EXOC1: variants seen among roughly 807,000 people sequenced by gnomAD.
EXOC1 encodes SEC3-like 1.
In EXOC1, 67 loss-of-function variants were observed where a neutral mutation model predicts 107.7. The observed-to-expected ratio is 0.62, with a 90% CI of 0.51 to 0.76. The LOEUF (loss-of-function observed/expected upper bound fraction) is 0.76, where lower values mean the gene tolerates loss of function less well. Ranked by LOEUF, EXOC1 falls within the 30% of genes least tolerant of loss-of-function variation. The pLI is 0.00. For synonymous variants in EXOC1, 348 were observed against 353.5 expected, an observed-to-expected ratio of 0.98 and a Z score of 0.17; for missense variants, 833 against 1,055.7, an observed-to-expected ratio of 0.79 and a Z score of 2.92.
At chr4:55,888,816 T>G (rs1348731712) in intron 10 of EXOC1, 72 bp from the exon 11 acceptor site, 2 of 1,483,710 alleles carry the variant, frequency 1.3e-6, no homozygotes, top group South Asian at 2.3e-5. Flanking sequence ...CTTCCTCTTG[T>G]GCATGGTTTG....
At chr4:55,897,740 T>C (rs528192911) in intron 16 of EXOC1, among the ~76,000 whole-genome samples, 4 of 152,188 alleles carry the variant, frequency 2.6e-5, no homozygotes, top group African/African-American at 9.6e-5. Context: ...CTCAGCCTCC[T>C]AAGTAGCTGG....
intron 8 of EXOC1, chr4:55,877,341 G>C: frequency 1.0e-6 from 1 of 985,356 alleles, no homozygotes; most frequent in South Asian, 4.7e-5. Context: ...AAATAAATCT[G>C]TCTTGGTTTG....
rs1480191014 is a variant in EXOC1 at position 55,868,507 on chromosome 4, T to C, written c.587T>C (p.Leu196Pro). 6.2e-7 allele frequency: 1 copy of C among 1,613,664 alleles called. No homozygotes were observed. The highest frequency in any genetic ancestry group is 1.7e-5 in the Admixed American group (1 of 59,998). Reference protein sequence around the residue: ...EAFAEKLSRELQVLDGANIQS... With the variant: ...EAFAEKLSREPQVLDGANIQS... ...TTTGCAGAAAAATTGTCCAGAGAGCTGCAGGTGCTAGATGGGGTAAGACTT... is the reference window on the plus strand; with the variant it reads ...TTTGCAGAAAAATTGTCCAGAGAGCCGCAGGTGCTAGATGGGGTAAGACTT... The change falls in exon 5 of 19, where the codon CTG (leucine) becomes CCG (proline). Residue 196 changes from leucine to proline, a missense_variant. By Grantham distance (98) the Leu-to-Pro change is moderately conservative (BLOSUM62 -3). Around this residue, in one of 2 missense-constraint regions of EXOC1, gnomAD observed 617 missense variants for 701.3 expected, o/e 0.88. Transcript: ENST00000381295.
At chr4:55,868,074 G>A (rs1722113985) in intron 4 of EXOC1, among the ~76,000 whole-genome samples, 1 of 152,122 alleles carries the variant, frequency 6.6e-6, no homozygotes, top group African/African-American at 2.4e-5. Flanking sequence ...TTGGGAAACT[G>A]TGGTGAAAGC....
Position 55,883,947 on chromosome 4 carries a change from G to C in EXOC1, c.1330+19G>C. The C allele has an allele frequency of 6.6e-7, 1 of 1,520,944 alleles. No homozygotes were observed. The highest frequency in any genetic ancestry group is 1.2e-5 in the South Asian group (1 of 82,580). 94.2% of individuals were successfully genotyped at this position (1,520,944 alleles called of 1,614,324 possible). ...AAGTTTGGTAAGCTTAGGCATGTCA[G>C]TTCATTATCTTCCTATTAAAAATGG... On this transcript the variant is annotated intron_variant, in intron 10 of 18. Coordinates refer to ENST00000381295, the MANE Select transcript of EXOC1 (RefSeq NM_001024924.2).
chr4:55,856,237 A>T (rs1037746686), intron 1 of EXOC1, among the ~76,000 whole-genome samples: 6 of 152,120 alleles, frequency 3.9e-5, no homozygotes, highest in African/African-American at 7.3e-5. Context: ...AAAATAATAC[A>T]GTTTATGGAG....
Position 55,878,034 on chromosome 4 carries a change from A to G in EXOC1, c.1192A>G (p.Thr398Ala), listed in dbSNP as rs768902540. The change falls in exon 9 of 19, where the codon ACA (threonine) becomes GCA (alanine). Residue 398 changes from threonine (T) to alanine (A), a missense_variant. By Grantham distance (58) the Thr-to-Ala change is moderately conservative. This residue lies in a region of EXOC1 where 617 missense variants were observed against 701.3 expected (regional missense o/e 0.88). Transcript: ENST00000381295. ...YAKLMEWLKS[T>A]DYGKYEGLTK... ...CAAGCTGATGGAGTGGCTAAAGAGT[A>G]CAGATTATGGAAAATATGAAGGACT... 3 of 1,613,724 alleles carry G rather than the reference A, an allele frequency of 1.9e-6. No homozygotes were observed. Among genetic ancestry groups the G allele is most frequent in the African/African-American group, 1.3e-5 (1 of 75,014 alleles).
rs913279759 is a variant in EXOC1 at position 55,904,583 on chromosome 4, C to G, written c.*88C>G. On this transcript the variant is annotated 3_prime_UTR_variant, in exon 19 of 19. Transcript: ENST00000381295. The stretch of plus-strand genomic sequence containing the variant: ...AATACCAAGCAACTGTTTTGAGAAC[C>G]CAGACTTAAAATTTTATGTATTATT... The G allele has an allele frequency of 3.8e-5, 50 of 1,331,550 alleles. No homozygotes were observed. In the Admixed American group the frequency reaches 1.3e-3, roughly 35 times the overall value. 82.5% of individuals were successfully genotyped at this position (1,331,550 alleles called of 1,614,324 possible).
At chr4:55,894,587 A>T (rs1355627944) in intron 15 of EXOC1, among the ~76,000 whole-genome samples, 1 of 144,008 alleles carries the variant, frequency 6.9e-6, no homozygotes, top group Non-Finnish European at 1.5e-5. Flanking sequence ...ATAGAAAAAA[A>T]TTTGACAACT....
In EXOC1 at chr4:55,883,842, C is replaced by A. The variant is rs568448391; in HGVS notation, c.1244C>A (p.Ser415Tyr). Residue 415 changes from serine to tyrosine, a missense_variant, in exon 10 of 19, where the codon TCC becomes TAC. Physicochemically the swap from Ser to Tyr is moderately radical, Grantham distance 144 (BLOSUM62 -2). This residue lies in a region of EXOC1 where 617 missense variants were observed against 701.3 expected (regional missense o/e 0.88). Transcript: ENST00000381295. ...GLTKNYMDYL[S>Y]RLYEREIKDF... is the part of the protein sequence containing the mutation. ...TTTAAGAATTACATGGATTATTTATCCCGACTATATGAAAGAGAAATCAAA... is the reference window on the plus strand; with the variant it reads ...TTTAAGAATTACATGGATTATTTATACCGACTATATGAAAGAGAAATCAAA... The A allele has an allele frequency of 4.4e-6, 7 of 1,594,406 alleles. No individual in the cohort carries two copies. The highest frequency in any genetic ancestry group is 1.1e-5 in the South Asian group (1 of 87,248).
intron 8 of EXOC1, 169 bp from the exon 9 acceptor site, chr4:55,877,748 T>C: frequency 1.0e-6 from 1 of 984,876 alleles, no homozygotes; most frequent in Non-Finnish European, 1.2e-6. Context: ...ACACAGGATA[T>C]AAAAGTTGTG....
chr4:55,887,688 T>G (rs897934966), intron 10 of EXOC1, among the ~76,000 whole-genome samples: 1 of 150,812 alleles, frequency 6.6e-6, no homozygotes, highest in Non-Finnish European at 1.5e-5. Flanking sequence ...GCCCAGGAGT[T>G]CAGGTCCAGC....
At chr4:55,902,318 C>T in intron 17 of EXOC1, 26 bp from the exon 18 acceptor site, 1 of 1,399,906 alleles carries the variant, frequency 7.1e-7, no homozygotes, top group South Asian at 1.9e-5. Context: ...AGGTCTTAGC[C>T]ATTGTTTCTT....
In EXOC1 at chr4:55,891,423, G is replaced by A; in HGVS notation, c.1647+1G>A. 3 of 1,581,474 alleles carry A rather than the reference G, an allele frequency of 1.9e-6. No homozygotes were observed. The highest frequency in any genetic ancestry group is 2.6e-6 in the Non-Finnish European group (3 of 1,150,616). On this transcript the variant is annotated splice_donor_variant, in intron 13 of 18. Coordinates refer to ENST00000381295, the MANE Select transcript of EXOC1 (RefSeq NM_001024924.2). LOFTEE classifies it high-confidence loss of function. ...ACATCAAAGTATGCCTGGAACTATG[G>A]TATGGCTCACAGTGTATTTTGGATA... is the stretch of plus-strand genomic sequence containing the variant.
chr4:55,889,815 A>T (rs1724305167), intron 11 of EXOC1, among the ~76,000 whole-genome samples: 1 of 152,188 alleles, frequency 6.6e-6, no homozygotes, highest in Non-Finnish European at 1.5e-5. Context: ...CTGAAGTATA[A>T]CAAAGTCATG....
chr4:55,888,152 C>T (rs972280617), intron 10 of EXOC1, among the ~76,000 whole-genome samples: 5 of 152,146 alleles, frequency 3.3e-5, no homozygotes, highest in African/African-American at 4.8e-5. Flanking sequence ...AATTAGCTCT[C>T]ATATTGATCT....
At chr4:55,876,114 C>T (rs889656152) in intron 8 of EXOC1, 2 of 984,706 alleles carry the variant, frequency 2.0e-6, no homozygotes. Flanking sequence ...ATGGTAATGC[C>T]TGTGTATTTT....
In EXOC1 at chr4:55,893,796, TA is replaced by T; in HGVS notation, c.1953+23del. The stretch of plus-strand genomic sequence containing the variant: ...CAAATGCATTGTAAGTTTTCTTTTT[TA>T]AAAAAATACCTTAGCATCCTAGTCA... On this transcript the variant is annotated intron_variant, in intron 15 of 18. Transcript: ENST00000381295. The T allele has an allele frequency of 6.3e-7, 1 of 1,593,296 alleles. No homozygotes were observed.
rs568964059 is a variant in EXOC1 at position 55,861,992 on chromosome 4, T to TGCAGTGAGCCGAGATTGCG, written c.255+1452_255+1470dup. 9.8e-3 allele frequency among the ~76,000 whole-genome samples: 1,492 copies of TGCAGTGAGCCGAGATTGCG among 152,124 alleles called. 33 individuals carry two copies. The highest frequency in any genetic ancestry group is 0.034 in the African/African-American group (1,418 of 41,474). On this transcript the variant is annotated intron_variant, in intron 3 of 18. Coordinates refer to ENST00000381295, the MANE Select transcript of EXOC1 (RefSeq NM_001024924.2). ...TTGCTTGAACCTGAGAGGCAGAGGT[T>TGCAGTGAGCCGAGATTGCG]GCAGTGAGCCGAGATTGCGCCACTG...
Sources: allele counts gnomAD v4.1 joint callset (sites outside exome capture counted in the v4.1 genomes callset), GRCh38; gene constraint gnomAD v4.1.1; regional missense constraint gnomAD v4.1.1; transcripts MANE v1.5; gene names NCBI Gene and HGNC (gene_info 2026-07-23, HGNC 2026-07-21).